Variants in SPIC observed in about 807,000 individuals in gnomAD.
SPIC encodes the protein transcription factor Spi-C.
A neutral mutation model predicts 16.7 loss-of-function variants in SPIC; 9 were observed. The observed-to-expected ratio is 0.54, with a 90% CI of 0.33 to 0.94. SPIC has a LOEUF of 0.94. SPIC is among the 40% of genes least tolerant of loss of function. The pLI, the probability that SPIC is intolerant of heterozygous loss-of-function variation, is 0.03. For missense variants in SPIC, 241 were observed against 285.8 expected (o/e 0.84, Z 1.13); for synonymous variants, 97 against 102.9 (o/e 0.94, Z 0.35).
At chr12:101,478,385 G>A (rs1873031368) in intron 3 of SPIC, among the ~76,000 whole-genome samples, 1 of 151,804 alleles carries the variant, frequency 6.6e-6, no homozygotes, top group Non-Finnish European at 1.5e-5. Flanking sequence ...TAGAGACAGG[G>A]TCTCACTATG....
In SPIC at chr12:101,479,675, A is replaced by G; in HGVS notation, c.191A>G (p.Tyr64Cys). The G allele has an allele frequency of 3.1e-6, 5 of 1,613,110 alleles. No individual in the cohort carries two copies. Among genetic ancestry groups the G allele is most frequent in the East Asian group, 2.2e-5 (1 of 44,858 alleles). ...GTGTTGCCTACAGAGGAGCCTGTCTATAATTGGAGAACGGTAATTGTAAGT... is the reference window on the plus strand; with the variant it reads ...GTGTTGCCTACAGAGGAGCCTGTCTGTAATTGGAGAACGGTAATTGTAAGT... ...YGVLPTEEPVYNWRTVINSAA... is the reference protein window; with the variant it reads ...YGVLPTEEPVCNWRTVINSAA... Residue 64 changes from tyrosine (Y) to cysteine (C), a missense_variant, in exon 4 of 6, where the codon TAT becomes TGT. By Grantham distance (194) the Tyr-to-Cys change is radical (BLOSUM62 -2). Coordinates refer to ENST00000551346, the MANE Select transcript of SPIC (RefSeq NM_152323.3).
At chr12:101,479,821 T>TC (rs1032166755) in intron 4 of SPIC, 127 bp downstream of exon 4, 41 of 489,386 alleles carry the variant, frequency 8.4e-5, no homozygotes, top group Middle Eastern at 6.2e-4. Flanking sequence ...TTTCTTTCTT[T>TC]TTTTTTTTTT....
rs1248257148 is a variant in SPIC at position 101,477,657 on chromosome 12, G to T, written c.97+6G>T. Reference sequence around the variant, plus strand: ...AGATCTTCAGTACTCGCCAGGTAAAGATGAGTCATTTACCCTCTTCTGCTG... The same window carrying T: ...AGATCTTCAGTACTCGCCAGGTAAATATGAGTCATTTACCCTCTTCTGCTG... On this transcript the variant is annotated splice_donor_region_variant and intron_variant, in intron 3 of 5. Coordinates refer to ENST00000551346, the MANE Select transcript of SPIC (RefSeq NM_152323.3). 1.2e-5 allele frequency: 20 copies of T among 1,609,582 alleles called. No individual in the cohort carries two copies. The highest frequency in any genetic ancestry group is 1.7e-5 in the Admixed American group (1 of 59,998).
intron 4 of SPIC, 146 bp from the exon 5 acceptor site, chr12:101,482,645 TG>T: frequency 2.9e-6 from 2 of 699,368 alleles, no homozygotes; most frequent in Non-Finnish European, 5.0e-6. Context: ...AGTGCTGCCC[TG>T]GGAGCTATCT....
At position 101,479,218 on chromosome 12, in the gene SPIC, AAGAAGG is replaced by A. The variant is rs1322916829; in HGVS notation, c.98-362_98-357del. 1.1e-4 allele frequency among the ~76,000 whole-genome samples: 14 copies of A among 122,474 alleles called. 1 individual carries two copies. Among genetic ancestry groups the A allele is most frequent in the African/African-American group, 3.5e-4 (12 of 34,150 alleles). 80.3% of individuals were successfully genotyped at this position (122,474 alleles called of 152,430 possible). On this transcript the variant is annotated intron_variant, in intron 3 of 5. Coordinates refer to ENST00000551346, the MANE Select transcript of SPIC (RefSeq NM_152323.3). The stretch of plus-strand genomic sequence containing the variant: ...AAAGAAAGAAAGAAAGAAAGAAAGA[AAGAAGG>A]AAAGAAAGAAAGAAAGAAAAAGAAA...
chr12:101,475,989 G>A (rs1443852992), intron 1 of SPIC, among the ~76,000 whole-genome samples: 2 of 152,120 alleles, frequency 1.3e-5, no homozygotes, highest in Admixed American at 6.5e-5. Context: ...ATTGGCATTA[G>A]ATTACATCAT....
chr12:101,478,048 T>TG (rs1873015388), intron 3 of SPIC, among the ~76,000 whole-genome samples: 2 of 150,434 alleles, frequency 1.3e-5, no homozygotes, highest in Non-Finnish European at 3.0e-5. Context: ...TTTTTTTTTT[T>TG]TGAGACGAAG....
intron 5 of SPIC, among the ~76,000 whole-genome samples, chr12:101,485,754 A>C (rs1027783623): frequency 8.5e-5 from 13 of 152,134 alleles, no homozygotes; most frequent in African/African-American, 3.1e-4. Context: ...CTTGTGGTCC[A>C]TTTTGCTCAA....
chr12:101,482,907 T>A lies in SPIC; in HGVS notation c.319+7T>A, dbSNP rs771959440. 3.1e-6 allele frequency: 5 copies of A among 1,610,596 alleles called. No individual in the cohort carries two copies. In the Admixed American group the frequency reaches 5.0e-5, roughly 16 times the overall value. On this transcript the variant is annotated splice_region_variant and intron_variant, in intron 5 of 5. Transcript: ENST00000551346. ...CAGCAAAAGGGGGGAAAAGGTACGT[T>A]GATCCATCATTCGTTATACAGGTAA...
chr12:101,479,355 G>GAAAGAAAGAAAGAAAT (rs1243477392), intron 3 of SPIC, among the ~76,000 whole-genome samples: 5 of 150,978 alleles, frequency 3.3e-5, no homozygotes, highest in Admixed American at 6.6e-5. Context: ...AAGAAAGAAA[G>GAAAGAAAGAAAGAAAT]AAATCATGCG....
Position 101,482,800 on chromosome 12 carries a change from T to G in SPIC, c.219T>G (p.Ala73=). The change falls in exon 5 of 6, where the codon GCT becomes GCG. Residue 73 remains alanine, a synonymous_variant. Coordinates refer to ENST00000551346, the MANE Select transcript of SPIC (RefSeq NM_152323.3). ...VYNWRTVINS[A]ADFYFEGNIH... ...CTTCATTATTTATATAGAACAGTGC[T>G]GCGGACTTCTATTTTGAAGGAAATA... 1 of 1,613,876 alleles carries G rather than the reference T, an allele frequency of 6.2e-7. No individual in the cohort carries two copies. The highest frequency in any genetic ancestry group is 8.5e-7 in the Non-Finnish European group (1 of 1,179,880).
Position 101,476,910 on chromosome 12 carries a change from A to G in SPIC, c.3+3A>G. ...TGTCAATTTATTAATGAAATATGGTAAGCTGACATTTTAATATTTTCTTTA... is the reference window on the plus strand; with the variant it reads ...TGTCAATTTATTAATGAAATATGGTGAGCTGACATTTTAATATTTTCTTTA... On this transcript the variant is annotated splice_donor_region_variant and intron_variant, in intron 2 of 5. Coordinates refer to ENST00000551346, the MANE Select transcript of SPIC (RefSeq NM_152323.3). 1 of 1,457,716 alleles carries G rather than the reference A, an allele frequency of 6.9e-7. No individual in the cohort carries two copies. Among genetic ancestry groups the G allele is most frequent in the East Asian group, 2.5e-5 (1 of 39,958 alleles). The allele number at this position is 1,457,716 out of a possible 1,614,324, so 90.3% of individuals were successfully genotyped here.
chr12:101,482,683 G>A, intron 4 of SPIC, 109 bp from the exon 5 acceptor site: 1 of 1,020,286 alleles, frequency 9.8e-7, no homozygotes, highest in Non-Finnish European at 1.5e-6. Flanking sequence ...AATTCCTTTT[G>A]CAATCTGGGA....
intron 4 of SPIC, among the ~76,000 whole-genome samples, chr12:101,481,507 C>T (rs922383396): frequency 2.0e-5 from 3 of 150,074 alleles, no homozygotes; most frequent in Non-Finnish European, 4.4e-5. Flanking sequence ...CCACCCACAG[C>T]TAATTTTTTT....
In SPIC at chr12:101,476,894, A is replaced by G. The variant is rs372825681; in HGVS notation, c.-11A>G. ...TGCTAAGGAACAGAATTGTCAATTT[A>G]TTAATGAAATATGGTAAGCTGACAT... On this transcript the variant is annotated 5_prime_UTR_variant, in exon 2 of 6. Transcript: ENST00000551346. The G allele has an allele frequency of 6.9e-7, 1 of 1,445,880 alleles. No homozygotes were observed. Among genetic ancestry groups the G allele is most frequent in the Admixed American group, 2.2e-5 (1 of 45,552 alleles). The allele number at this position is 1,445,880 out of a possible 1,614,324, so 89.6% of individuals were successfully genotyped here.
Position 101,479,697 on chromosome 12 carries a change from A to G in SPIC, c.210+3A>G, listed in dbSNP as rs1441054372. 3.1e-6 allele frequency: 5 copies of G among 1,602,274 alleles called. No homozygotes were observed. The highest frequency in any genetic ancestry group is 4.3e-6 in the Non-Finnish European group (5 of 1,169,704). ...TCTATAATTGGAGAACGGTAATTGT[A>G]AGTATCAGACCATCCCTTAATAACA... On this transcript the variant is annotated splice_donor_region_variant and intron_variant, in intron 4 of 5. Transcript: ENST00000551346.
Position 101,486,428 on chromosome 12 carries a change from A to G in SPIC, c.404A>G (p.Lys135Arg), listed in dbSNP as rs1369659276. The G allele has an allele frequency of 6.2e-7, 1 of 1,614,196 alleles. No homozygotes were observed. Among genetic ancestry groups the G allele is most frequent in the South Asian group, 1.1e-5 (1 of 91,082 alleles). ...GCATCTTGTATTCAGTGGGTAGATA[A>G]AACCAAAGGCATCTTTCAGTTTGTA... is the stretch of plus-strand genomic sequence containing the variant. ...EMASCIQWVDKTKGIFQFVSK... is the reference protein window; with the variant it reads ...EMASCIQWVDRTKGIFQFVSK... The change falls in exon 6 of 6, where the codon AAA (lysine) becomes AGA (arginine). Residue 135 changes from lysine to arginine, a missense_variant. By Grantham distance (26) the Lys-to-Arg change is conservative. Transcript: ENST00000551346.
At chr12:101,482,664 G>A (rs1873241580) in intron 4 of SPIC, 128 bp from the exon 5 acceptor site, 2 of 812,294 alleles carry the variant, frequency 2.5e-6, no homozygotes, top group South Asian at 1.8e-5. Flanking sequence ...TCTGGCTGCA[G>A]TTGGGGGTAA....
chr12:101,477,499 G>T, intron 2 of SPIC, 59 bp from the exon 3 acceptor site: 1 of 1,459,430 alleles, frequency 6.9e-7, no homozygotes, highest in South Asian at 1.1e-5. Context: ...TTTTAAATCA[G>T]GGAGATTAAG....
Sources: gnomAD v4.1 joint callset for allele counts (sites outside exome capture counted in the v4.1 genomes callset) on GRCh38, gnomAD v4.1.1 for gene constraint, MANE v1.5 for transcripts, NCBI Gene and HGNC (gene_info 2026-07-23, HGNC 2026-07-21) for gene names.